Variants in KCNQ1 observed in about 807,000 individuals in gnomAD.
KCNQ1 encodes the protein potassium voltage-gated channel subfamily KQT member 1.
Under a neutral mutation model 72.4 loss-of-function variants are expected in KCNQ1, and 49 were observed. That is an observed-to-expected ratio of 0.68 (90% confidence interval 0.54 to 0.86). The LOEUF is 0.86. KCNQ1 is among the 40% of genes least tolerant of loss of function. KCNQ1 has a pLI of 0.00. For missense variants in KCNQ1, 790 were observed against 945.1 expected (o/e 0.84, Z 2.15); for synonymous variants, 450 against 412.6 (o/e 1.09, Z -1.10).
chr11:2,722,718 T>C (rs1845689958), intron 11 of KCNQ1, among the ~76,000 whole-genome samples: 2 of 152,080 alleles, frequency 1.3e-5, no homozygotes, highest in Admixed American at 6.5e-5. Context: ...AAATAGGCTA[T>C]GGCAGCCTCT....
At chr11:2,733,814 A>ACACACACACACTCTCTCTCTCC in intron 11 of KCNQ1, among the ~76,000 whole-genome samples, 1 of 86,614 alleles carries the variant, frequency 1.2e-5, no homozygotes, top group Non-Finnish European at 2.4e-5. Context: ...ACACACACAC[A>ACACACACACACTCTCTCTCTCC]CTCTCTCACT....
Position 2,484,756 on chromosome 11 carries a change from C to T in KCNQ1, c.386+39272C>T, listed in dbSNP as rs886750320. ...TGCTGCTCTGCGCCCACTCGGCCGA[C>T]GGAGCTGGGGAATATGTGTATGGCA... On this transcript the variant is annotated intron_variant, in intron 1 of 15. Transcript: ENST00000155840. This position sits in a 1 kb window ranked among gnomAD's most constrained non-coding sequence, Gnocchi z 5.2. Among the ~76,000 whole-genome samples the T allele has an allele frequency of 1.3e-5, 2 of 152,186 alleles. No individual in the cohort carries two copies. Among genetic ancestry groups the T allele is most frequent in the Non-Finnish European group, 2.9e-5 (2 of 68,036 alleles).
chr11:2,701,172 G>A (rs1312301974), intron 11 of KCNQ1, among the ~76,000 whole-genome samples: 3 of 152,312 alleles, frequency 2.0e-5, no homozygotes, highest in South Asian at 4.1e-4. Flanking sequence ...GAAAATATAC[G>A]TCTACGGGAG....
At chr11:2,655,494 C>T in intron 10 of KCNQ1, 2 of 398,676 alleles carry the variant, frequency 5.0e-6, no homozygotes, top group Non-Finnish European at 8.8e-6. Context: ...CCTGGATATC[C>T]AGATGAACTG....
intron 1 of KCNQ1, among the ~76,000 whole-genome samples, chr11:2,456,763 TCCAAAAAAAAAA>T (rs1285893464): frequency 1.3e-4 from 7 of 54,654 alleles, no homozygotes; most frequent in Non-Finnish European, 2.2e-4. Context: ...CTACTAAAAA[TCCAAAAAAAAAA>T]AAAAAAAAAA....
chr11:2,812,136 G>A (rs2134041364), intron 15 of KCNQ1, among the ~76,000 whole-genome samples: 1 of 152,224 alleles, frequency 6.6e-6, no homozygotes, highest in Non-Finnish European at 1.5e-5. Flanking sequence ...CCCCAGCTTT[G>A]GCCATGCACT....
rs1473966977 is a variant in KCNQ1, at chr11:2,826,103, A to C, written c.1795-21664A>C. ...CTCCACAGCAAGCAGCCTGTTACCT[A>C]ACCAGGCCTGGCTCATGCCAATGTC... On this transcript the variant is annotated intron_variant, in intron 15 of 15. Coordinates refer to ENST00000155840, the MANE Select transcript of KCNQ1 (RefSeq NM_000218.3). This position sits in a 1 kb window ranked among gnomAD's most constrained non-coding sequence, Gnocchi z 4.2. Among the ~76,000 whole-genome samples, 1 of 152,228 alleles carries C rather than the reference A, an allele frequency of 6.6e-6. No homozygotes were observed. The highest frequency in any genetic ancestry group is 1.5e-5 in the Non-Finnish European group (1 of 68,044).
chr11:2,791,099 T>G (rs1847012279), intron 15 of KCNQ1, among the ~76,000 whole-genome samples: 1 of 152,210 alleles, frequency 6.6e-6, no homozygotes, highest in Non-Finnish European at 1.5e-5. Flanking sequence ...GAGAGGAAAT[T>G]TAAGTCTTTT....
chr11:2,618,336 T>TC, intron 10 of KCNQ1: 1 of 398,592 alleles, frequency 2.5e-6, no homozygotes, highest in Non-Finnish European at 4.4e-6. Flanking sequence ...TTCAATGTTT[T>TC]AACAAAGTTT....
rs376412268 is a variant in KCNQ1, at chr11:2,668,210, T to G, written c.1514+6129T>G. The G allele has an allele frequency of 4.5e-4, 179 of 398,652 alleles. 1 individual carries two copies. The highest frequency in any genetic ancestry group is 2.9e-3 in the African/African-American group (139 of 48,748). The allele number at this position is 398,652 out of a possible 1,614,324, so 24.7% of individuals were successfully genotyped here. On this transcript the variant is annotated intron_variant, in intron 11 of 15. Coordinates refer to ENST00000155840, the MANE Select transcript of KCNQ1 (RefSeq NM_000218.3). This position sits in a 1 kb window ranked among gnomAD's most constrained non-coding sequence, Gnocchi z 4.3. ...TTGTGTGCATGGCCTACATCATTCATCCATTCTACCACCTGTGGCCAGCAG... is the reference window on the plus strand; with the variant it reads ...TTGTGTGCATGGCCTACATCATTCAGCCATTCTACCACCTGTGGCCAGCAG...
chr11:2,808,044 T>G lies in KCNQ1; in HGVS notation c.1794+30007T>G, dbSNP rs1847414831. Among the ~76,000 whole-genome samples, 2 of 152,142 alleles carry G rather than the reference T, an allele frequency of 1.3e-5. No individual in the cohort carries two copies. Among genetic ancestry groups the G allele is most frequent in the African/African-American group, 4.8e-5 (2 of 41,440 alleles). Reference sequence around the variant, plus strand: ...CCTGGAGCCCTCCCCACTGAGCACCTGGCCCAGTGCCCGGCACGTGGCAAG... The same window carrying G: ...CCTGGAGCCCTCCCCACTGAGCACCGGGCCCAGTGCCCGGCACGTGGCAAG... On this transcript the variant is annotated intron_variant, in intron 15 of 15. Coordinates refer to ENST00000155840, the MANE Select transcript of KCNQ1 (RefSeq NM_000218.3). This position sits in a 1 kb window ranked among gnomAD's most constrained non-coding sequence, Gnocchi z 6.0.
chr11:2,579,582 G>A lies in KCNQ1; in HGVS notation c.922-3853G>A, dbSNP rs1208137298. On this transcript the variant is annotated intron_variant, in intron 6 of 15. Transcript: ENST00000155840. The surrounding 1 kb of genome is among the most constrained non-coding windows in gnomAD (Gnocchi z 6.0). The stretch of plus-strand genomic sequence containing the variant: ...AAAACAAACAGGTCTGCAGGGAGGG[G>A]CCGTTTCCTTGTTAACTTGAGGATG... Among the ~76,000 whole-genome samples the A allele has an allele frequency of 6.6e-6, 1 of 152,234 alleles. No individual in the cohort carries two copies. The highest frequency in any genetic ancestry group is 1.5e-5 in the Non-Finnish European group (1 of 68,028).
chr11:2,531,447 G>A (rs1847628889), intron 2 of KCNQ1, among the ~76,000 whole-genome samples: 1 of 152,052 alleles, frequency 6.6e-6, no homozygotes, highest in African/African-American at 2.4e-5. Flanking sequence ...GCCCTGCCCA[G>A]GCAGGAGGGC....
intron 11 of KCNQ1, among the ~76,000 whole-genome samples, chr11:2,740,823 C>T (rs1317491385): frequency 1.3e-5 from 2 of 152,356 alleles, no homozygotes; most frequent in Non-Finnish European, 2.9e-5. Context: ...CCTGCGGCCA[C>T]GTCTCCTCCT....
Position 2,847,920 on chromosome 11 carries a change from C to G in KCNQ1, c.1948C>G (p.Pro650Ala). ...QPCGSGGSVDPELFLPSNTLP... is the reference protein window; with the variant it reads ...QPCGSGGSVDAELFLPSNTLP... ...CTGCGGCAGTGGCGGCTCCGTCGAC[C>G]CTGAGCTCTTCCTGCCCAGCAACAC... Residue 650 changes from proline (P) to alanine (A), a missense_variant, in exon 16 of 16, where the codon CCT becomes GCT. Physicochemically the swap from Pro to Ala is conservative, Grantham distance 27 (BLOSUM62 -1). Transcript: ENST00000155840. The G allele has an allele frequency of 6.3e-7, 1 of 1,576,640 alleles. No homozygotes were observed. The highest frequency in any genetic ancestry group is 8.6e-7 in the Non-Finnish European group (1 of 1,160,908).
Position 2,550,024 on chromosome 11 carries a change from G to A in KCNQ1, c.478-20604G>A, listed in dbSNP as rs1418350506. Among the ~76,000 whole-genome samples the A allele has an allele frequency of 6.6e-6, 1 of 152,214 alleles. No homozygotes were observed. Among genetic ancestry groups the A allele is most frequent in the South Asian group, 2.1e-4 (1 of 4,834 alleles). ...GGGTGCAGGGGACTGTTTGGGCCTC[G>A]AGAGGGACGGACCCCAGAACTGGAC... is the stretch of plus-strand genomic sequence containing the variant. On this transcript the variant is annotated intron_variant, in intron 2 of 15. Transcript: ENST00000155840. This position sits in a 1 kb window ranked among gnomAD's most constrained non-coding sequence, Gnocchi z 6.0.
intron 15 of KCNQ1, among the ~76,000 whole-genome samples, chr11:2,832,258 C>A (rs1847967397): frequency 6.6e-6 from 1 of 152,220 alleles, no homozygotes; most frequent in African/African-American, 2.4e-5. Context: ...AAGCCTTGGA[C>A]CTGGCCCTGC....
intron 11 of KCNQ1, chr11:2,699,370 G>T (rs1242272966): frequency 2.3e-5 from 9 of 399,750 alleles, no homozygotes; most frequent in Non-Finnish European, 2.6e-5. Flanking sequence ...CGTCCGCCCA[G>T]GTCCGTGCTG....
chr11:2,819,543 T>G (rs538188791), intron 15 of KCNQ1, among the ~76,000 whole-genome samples: 1 of 152,368 alleles, frequency 6.6e-6, no homozygotes, highest in South Asian at 2.1e-4. Flanking sequence ...CAAGTCCAGC[T>G]GCTGATGCAT....
Sources: allele counts gnomAD v4.1 joint callset (sites outside exome capture counted in the v4.1 genomes callset), GRCh38; gene constraint gnomAD v4.1.1; non-coding constraint Gnocchi (gnomAD v3.1); transcripts MANE v1.5; gene names NCBI Gene and HGNC (gene_info 2026-07-23, HGNC 2026-07-21).